MICAL2: variants seen among roughly 807,000 people sequenced by gnomAD.
The protein encoded by MICAL2 is microtubule associated monooxygenase, calponin and LIM domain containing 2.
MICAL2 carries 77 observed loss-of-function variants against 127.3 expected under a neutral mutation model. The ratio of observed to expected loss-of-function variants is 0.60; its 90% CI spans 0.50 to 0.73. The LOEUF (loss-of-function observed/expected upper bound fraction) is 0.73. Ranked by LOEUF, MICAL2 falls within the 30% of genes least tolerant of loss-of-function variation. The pLI is 0.00. For missense variants in MICAL2, 1,351 were observed against 1,434.4 expected (o/e 0.94, Z 0.94); for synonymous variants, 570 against 551.1 (o/e 1.03, Z -0.48).
chr11:12,336,712 A>G lies in MICAL2; in HGVS notation c.5515+9446A>G, dbSNP rs1216424041. 2.0e-5 allele frequency among the ~76,000 whole-genome samples: 3 copies of G among 152,102 alleles called. No homozygotes were observed. In the East Asian group the frequency reaches 5.8e-4, roughly 29 times the overall value. Reference sequence around the variant, plus strand: ...CTTTTCTGCATCTATTGAGATAATCATGTGGTTTTTGTCTTTGGTTCTGTT... The same window carrying G: ...CTTTTCTGCATCTATTGAGATAATCGTGTGGTTTTTGTCTTTGGTTCTGTT... On this transcript the variant is annotated intron_variant, in intron 32 of 34. Coordinates refer to the MICAL2 transcript ENST00000646065.
chr11:12,183,921 C>T (rs770160037), intron 3 of MICAL2, among the ~76,000 whole-genome samples: 6 of 152,114 alleles, frequency 3.9e-5, no homozygotes, highest in Admixed American at 1.3e-4. Context: ...CTGGGACCAC[C>T]GGTGTGCACT....
chr11:12,216,346 C>A, intron 8 of MICAL2, 27 bp downstream of exon 8: 2 of 1,550,886 alleles, frequency 1.3e-6, no homozygotes, highest in East Asian at 2.2e-5. Context: ...TGCGATTTCC[C>A]GACTTCGCGA....
intron 32 of MICAL2, among the ~76,000 whole-genome samples, chr11:12,328,551 GA>G (rs767087228): frequency 2.0e-5 from 3 of 152,148 alleles, no homozygotes; most frequent in Non-Finnish European, 4.4e-5. Context: ...TTCAGGTAAG[GA>G]GTGGCTTAAA....
intron 6 of MICAL2, among the ~76,000 whole-genome samples, 157 bp from the exon 7 acceptor site, chr11:12,213,098 A>G (rs573698618): frequency 6.6e-6 from 1 of 152,328 alleles, no homozygotes; most frequent in African/African-American, 2.4e-5. Flanking sequence ...CCTTGGGAGC[A>G]AACTTCGGTA....
At position 12,358,434 on chromosome 11, in the gene MICAL2, T is replaced by C. The variant is rs569116181; in HGVS notation, c.5829T>C (p.Phe1943=). The change falls in exon 35 of 35, where the codon TTT becomes TTC. Residue 1943 remains phenylalanine, a synonymous_variant. Transcript: ENST00000646065. Reference sequence around the variant, plus strand: ...GAGAAAAAGCCGAGGACCAGCACTTTGAAAGCTTCGTATTCTCCAGAGGCT... The same window carrying C: ...GAGAAAAAGCCGAGGACCAGCACTTCGAAAGCTTCGTATTCTCCAGAGGCT... The C allele has an allele frequency of 3.1e-6, 5 of 1,614,164 alleles. No individual in the cohort carries two copies. The East Asian group carries it at 1.1e-4, about 36-fold the overall frequency.
chr11:12,274,005 GGAA>G (rs1863699166), upstream of MICAL2, among the ~76,000 whole-genome samples: 1 of 152,130 alleles, frequency 6.6e-6, no homozygotes. Flanking sequence ...TGGCTAAGAA[GGAA>G]GAAGAAAGAG....
In MICAL2 at chr11:12,242,338, A is replaced by G; in HGVS notation, c.2462A>G (p.Glu821Gly). Residue 821 changes from glutamate (E) to glycine (G), a missense_variant, in exon 19 of 28, where the codon GAA (glutamate) becomes GGA (glycine). Physicochemically the swap from Glu to Gly is moderately conservative, Grantham distance 98. This residue lies in a region of MICAL2 where 752 missense variants were observed against 719.4 expected (regional missense o/e 1.05). Coordinates refer to ENST00000683283, the MANE Select transcript of MICAL2 (RefSeq NM_001282663.2). ...AKSDLQLGGTENFATLPSTRP... is the reference protein window; with the variant it reads ...AKSDLQLGGTGNFATLPSTRP... ...TCTGACCTACAGCTGGGTGGGACAG[A>G]AAATTTCGCTACCCTGCCTTCTACC... is the stretch of plus-strand genomic sequence containing the variant. 6.2e-7 allele frequency: 1 copy of G among 1,614,122 alleles called. No individual in the cohort carries two copies. The highest frequency in any genetic ancestry group is 8.5e-7 in the Non-Finnish European group (1 of 1,179,984).
Position 12,357,202 on chromosome 11 carries a change from C to A in MICAL2, c.5690-1093C>A, listed in dbSNP as rs1939142547. On this transcript the variant is annotated intron_variant, in intron 34 of 34. Coordinates refer to the MICAL2 transcript ENST00000646065. Reference sequence around the variant, plus strand: ...CTCTACTCTGGGAGGAGGCTCCCCACCCAGTCCTCCGTGTGTTAGACACAG... The same window carrying A: ...CTCTACTCTGGGAGGAGGCTCCCCAACCAGTCCTCCGTGTGTTAGACACAG... 3.3e-5 allele frequency among the ~76,000 whole-genome samples: 5 copies of A among 152,216 alleles called. No individual in the cohort carries two copies. In the South Asian group the frequency reaches 1.0e-3, roughly 32 times the overall value.
intron 3 of MICAL2, among the ~76,000 whole-genome samples, chr11:12,173,329 C>A (rs1856488226): frequency 6.6e-6 from 1 of 152,202 alleles, no homozygotes; most frequent in Admixed American, 6.5e-5. Context: ...CTGTCAAAAT[C>A]TGAGGAATAT....
Position 12,256,921 on chromosome 11 carries a change from T to C in MICAL2, c.3092T>C (p.Ile1031Thr). ...FFHRECFRCS[I>T]CATTLRLAAY... ...CACCGGGAGTGTTTCCGCTGCAGCA[T>C]CTGTGCCACCACCTTGCGCCTGGCC... Residue 1031 changes from isoleucine (I) to threonine (T), a missense_variant, in exon 24 of 28, where the codon ATC (isoleucine) becomes ACC (threonine). Coordinates refer to ENST00000683283, the MANE Select transcript of MICAL2 (RefSeq NM_001282663.2). 6.2e-7 allele frequency: 1 copy of C among 1,614,140 alleles called. No homozygotes were observed. The highest frequency in any genetic ancestry group is 2.2e-5 in the East Asian group (1 of 44,880).
chr11:12,324,871 A>G (rs1590738144), intron 31 of MICAL2, among the ~76,000 whole-genome samples: 1 of 152,172 alleles, frequency 6.6e-6, no homozygotes, highest in African/African-American at 2.4e-5. Context: ...GGGAAAAGTC[A>G]CTTCTGTCTA....
At chr11:12,295,660 G>T (rs1863978161), downstream of MICAL2, among the ~76,000 whole-genome samples, 1 of 151,866 alleles carries the variant, frequency 6.6e-6, no homozygotes, top group Non-Finnish European at 1.5e-5. Flanking sequence ...ACTTCCCAAG[G>T]TGTTGGGATT....
chr11:12,190,380 C>T (rs1303967646), intron 3 of MICAL2, among the ~76,000 whole-genome samples: 3 of 152,112 alleles, frequency 2.0e-5, no homozygotes, highest in Non-Finnish European at 4.4e-5. Context: ...GATCAAGGTG[C>T]AGTTGACTAA....
Position 12,162,345 on chromosome 11 carries a change from G to T in MICAL2, c.190G>T (p.Ala64Ser). The change falls in exon 3 of 28, where the codon GCC becomes TCC. Residue 64 changes from alanine to serine, a missense_variant. By Grantham distance (99) the Ala-to-Ser change is moderately conservative (BLOSUM62 1). This residue lies in a region of MICAL2 where 599 missense variants were observed against 714.9 expected (regional missense o/e 0.84). Transcript: ENST00000683283. ...KSKVTTWKAK[A>S]LWYKLDKRGS... ...CAAGGTGACCACCTGGAAAGCCAAAGCCCTGTGGTACAAATTGGATAAGCG... is the reference window on the plus strand; with the variant it reads ...CAAGGTGACCACCTGGAAAGCCAAATCCCTGTGGTACAAATTGGATAAGCG... The T allele has an allele frequency of 6.2e-7, 1 of 1,614,262 alleles. No individual in the cohort carries two copies. Among genetic ancestry groups the T allele is most frequent in the Non-Finnish European group, 8.5e-7 (1 of 1,180,050 alleles).
chr11:12,187,945 G>A (rs1048627332), intron 3 of MICAL2, among the ~76,000 whole-genome samples: 3 of 152,132 alleles, frequency 2.0e-5, no homozygotes, highest in African/African-American at 7.2e-5. Context: ...TGAACTGCTA[G>A]GACCCCAGAG....
intron 11 of MICAL2, 50 bp downstream of exon 11, chr11:12,222,793 G>A (rs762545260): frequency 1.2e-6 from 2 of 1,604,542 alleles, no homozygotes; most frequent in Admixed American, 1.7e-5. Context: ...CTGAACAGTG[G>A]GAAGAGGTGG....
chr11:12,136,978 C>T (rs1039954102), intron 1 of MICAL2, among the ~76,000 whole-genome samples: 4 of 152,196 alleles, frequency 2.6e-5, no homozygotes, highest in Non-Finnish European at 5.9e-5. Context: ...TCTGGTTGGA[C>T]CAATGATGGA....
intron 10 of MICAL2, 108 bp from the exon 11 acceptor site, chr11:12,222,509 A>T: frequency 7.0e-7 from 1 of 1,430,450 alleles, no homozygotes; most frequent in East Asian, 2.3e-5. Flanking sequence ...TTAGACAAAC[A>T]TGTCCAGGAA....
At chr11:12,338,650 G>C (rs1938808504) in intron 32 of MICAL2, among the ~76,000 whole-genome samples, 1 of 152,172 alleles carries the variant, frequency 6.6e-6, no homozygotes, top group South Asian at 2.1e-4. Context: ...GGCAGGCCTT[G>C]TGGTGACAAA....
Sources: gnomAD v4.1 joint callset for allele counts (sites outside exome capture counted in the v4.1 genomes callset) on GRCh38, gnomAD v4.1.1 for gene constraint, gnomAD v4.1.1 regional missense constraint, MANE v1.5 for transcripts, NCBI Gene and HGNC (gene_info 2026-07-23, HGNC 2026-07-21) for gene names.